The following NLK variants were observed in gnomAD, a reference collection of about 807,000 sequenced individuals.
NLK encodes serine/threonine-protein kinase NLK.
NLK carries 11 observed loss-of-function variants against 59.0 expected under a neutral mutation model. The observed-to-expected ratio is 0.19, with a 90% CI of 0.12 to 0.31. The LOEUF (loss-of-function observed/expected upper bound fraction) is 0.31. Among genes scored for constraint, NLK ranks in the 10% least tolerant of loss-of-function variants. The probability of loss-of-function intolerance (pLI) is 1.00; values close to 1 mark genes in which losing one functional copy is unlikely to be tolerated. For synonymous variants in NLK, 235 were observed against 235.9 expected, an observed-to-expected ratio of 1.00 and a Z score of 0.03; for missense variants, 410 against 661.1, an observed-to-expected ratio of 0.62 and a Z score of 4.16.
At chr17:28,182,328 A>G (rs1252038282) in intron 7 of NLK, among the ~76,000 whole-genome samples, 3 of 152,106 alleles carry the variant, frequency 2.0e-5, no homozygotes. Context: ...TGGAAGGAAG[A>G]TATATAAAAT....
At chr17:28,106,264 CTTTATT>C (rs1326916093) in intron 1 of NLK, among the ~76,000 whole-genome samples, 2 of 152,064 alleles carry the variant, frequency 1.3e-5, no homozygotes, top group African/African-American at 4.8e-5. Flanking sequence ...ATACAGTGTG[CTTTATT>C]TTTATGAACA....
intron 5 of NLK, among the ~76,000 whole-genome samples, chr17:28,165,930 A>G (rs1295455564): frequency 6.6e-6 from 1 of 152,126 alleles, no homozygotes; most frequent in Non-Finnish European, 1.5e-5. Flanking sequence ...ATTATATGTT[A>G]TTTTGGCCGG....
intron 1 of NLK, among the ~76,000 whole-genome samples, chr17:28,103,375 CT>C (rs1387664170): frequency 6.6e-6 from 1 of 152,042 alleles, no homozygotes; most frequent in Non-Finnish European, 1.5e-5. Context: ...TTTTTCTGAA[CT>C]TTGGAGCTTT....
At chr17:28,096,931 G>A (rs561146222) in intron 1 of NLK, among the ~76,000 whole-genome samples, 1 of 152,264 alleles carries the variant, frequency 6.6e-6, no homozygotes, top group Admixed American at 6.5e-5. Context: ...GGACACTGAA[G>A]GGTCTAAACA....
intron 1 of NLK, among the ~76,000 whole-genome samples, chr17:28,047,395 A>C (rs1909096003): frequency 6.6e-6 from 1 of 152,214 alleles, no homozygotes; most frequent in Admixed American, 6.5e-5. Context: ...GTTGAATTTA[A>C]AGCCAAGGGG....
chr17:28,203,249 A>T, the NLK span, among the ~76,000 whole-genome samples: 2 of 150,544 alleles, frequency 1.3e-5, no homozygotes, highest in Admixed American at 6.6e-5. Context: ...GCCACAAGTG[A>T]TCCACCTTGG....
chr17:28,059,626 G>T (rs770668390), intron 1 of NLK, among the ~76,000 whole-genome samples: 1 of 152,134 alleles, frequency 6.6e-6, no homozygotes, highest in East Asian at 1.9e-4. Flanking sequence ...TTTTATAAAC[G>T]TATGAATAAA....
At position 28,160,097 on chromosome 17, in the gene NLK, T is replaced by A. The variant is rs113379759; in HGVS notation, c.645-1063T>A. On this transcript the variant is annotated intron_variant, in intron 3 of 10. Transcript: ENST00000407008. The stretch of plus-strand genomic sequence containing the variant: ...AACTAGAGAGAGAAATTTGGCAGTC[T>A]GCAGCATGGATGTTATTTAAAGGCA... 6.6e-3 allele frequency among the ~76,000 whole-genome samples: 1,005 copies of A among 152,308 alleles called. 17 individuals carry two copies. Among genetic ancestry groups the A allele is most frequent in the African/African-American group, 0.023 (936 of 41,566 alleles).
In NLK at chr17:28,043,276, CA is replaced by C. The variant is rs1396520499; in HGVS notation, c.404del (p.Gln135ArgfsTer21). 6.2e-7 allele frequency: 1 copy of C among 1,611,136 alleles called. No individual in the cohort carries two copies. The highest frequency in any genetic ancestry group is 1.3e-5 in the African/African-American group (1 of 74,682). ...HHQHSHHPQQ[Q>X]LDIEPDRPIG... ...TCAGCACTCGCATCATCCACAGCAG[CA>C]GCTGGATATTGAGCCGGATAGACCT... On this transcript the variant is annotated frameshift_variant, in exon 1 of 11. Transcript: ENST00000407008. LOFTEE classifies it high-confidence loss of function.
intron 1 of NLK, among the ~76,000 whole-genome samples, chr17:28,067,293 C>G (rs1301654730): frequency 6.6e-6 from 1 of 151,968 alleles, no homozygotes; most frequent in Admixed American, 6.6e-5. Context: ...TTAGGTAGAC[C>G]TTTATTTTTA....
chr17:28,154,184 G>T (rs1907603591), intron 3 of NLK, among the ~76,000 whole-genome samples: 1 of 152,178 alleles, frequency 6.6e-6, no homozygotes, highest in Non-Finnish European at 1.5e-5. Context: ...TCTTGCTACA[G>T]AATGTCAGAA....
At chr17:28,128,663 C>T (rs906478969) in intron 2 of NLK, among the ~76,000 whole-genome samples, 2 of 152,196 alleles carry the variant, frequency 1.3e-5, no homozygotes, top group Non-Finnish European at 2.9e-5. Flanking sequence ...ATACCAACTG[C>T]TGGCAAGGAC....
At chr17:28,120,260 G>A (rs936504675) in intron 1 of NLK, among the ~76,000 whole-genome samples, 1 of 151,280 alleles carries the variant, frequency 6.6e-6, no homozygotes, top group African/African-American at 2.4e-5. Context: ...GTGTGTGTGT[G>A]TGTGTGTGTG....
chr17:28,156,620 A>G (rs985397813), intron 3 of NLK, among the ~76,000 whole-genome samples: 1 of 152,158 alleles, frequency 6.6e-6, no homozygotes, highest in African/African-American at 2.4e-5. Context: ...TTCCTGAAGA[A>G]TGATCCACGT....
chr17:28,052,816 G>C (rs1471503681), intron 1 of NLK, among the ~76,000 whole-genome samples: 2 of 150,110 alleles, frequency 1.3e-5, no homozygotes, highest in Non-Finnish European at 2.9e-5. Flanking sequence ...GTCTCAGTTT[G>C]GTCTAACCAC....
intron 3 of NLK, among the ~76,000 whole-genome samples, chr17:28,136,358 C>T (rs1385584329): frequency 1.3e-5 from 2 of 152,008 alleles, no homozygotes; most frequent in Admixed American, 1.3e-4. Context: ...TAAGCATTTT[C>T]CAATAGTGGT....
intron 8 of NLK, among the ~76,000 whole-genome samples, chr17:28,187,419 C>T (rs1392638369): frequency 1.3e-5 from 2 of 152,226 alleles, no homozygotes; most frequent in Non-Finnish European, 2.9e-5. Flanking sequence ...TCTCCTGCCT[C>T]AGCCTCCTGA....
chr17:28,111,895 T>TGTGG (rs1905516817), intron 1 of NLK, among the ~76,000 whole-genome samples: 3 of 65,450 alleles, frequency 4.6e-5, no homozygotes, highest in South Asian at 5.7e-4. Context: ...TGTGTGTGTG[T>TGTGG]GGTGTGTGTG....
At chr17:28,199,113 C>T (rs115102689), downstream of NLK, among the ~76,000 whole-genome samples, 872 of 152,216 alleles carry the variant, frequency 5.7e-3, 10 homozygotes, top group African/African-American at 0.02. Flanking sequence ...AGACGTTTTC[C>T]GCAATTAGAA....
Sources: allele counts gnomAD v4.1 joint callset (sites outside exome capture counted in the v4.1 genomes callset), GRCh38; gene constraint gnomAD v4.1.1; transcripts MANE v1.5; gene names NCBI Gene and HGNC (gene_info 2026-07-23, HGNC 2026-07-21).